RARB: variants seen among roughly 807,000 people sequenced by gnomAD.
RARB encodes the protein HBV-activated protein.
Under a neutral mutation model 51.9 loss-of-function variants are expected in RARB, and 17 were observed. The ratio of observed to expected loss-of-function variants is 0.33; its 90% CI spans 0.22 to 0.49. The LOEUF is 0.49. Among genes scored for constraint, RARB ranks in the 20% least tolerant of loss-of-function variants. The pLI, the probability that RARB is intolerant of heterozygous loss-of-function variation, is 0.99. For synonymous variants in RARB, 215 were observed against 195.4 expected (o/e 1.10, Z -0.84); for missense variants, 369 against 550.8 (o/e 0.67, Z 3.30).
chr3:25,139,955 T>G (rs73048410), intron 4 of RARB, among the ~76,000 whole-genome samples: 13,303 of 152,230 alleles, frequency 0.087, 731 homozygotes, highest in Non-Finnish European at 0.13. Flanking sequence ...CACATCTGTT[T>G]GCAGCCAGGT....
At chr3:24,920,652 C>G (rs891571358) in intron 2 of RARB, among the ~76,000 whole-genome samples, 3 of 152,156 alleles carry the variant, frequency 2.0e-5, no homozygotes, top group Admixed American at 1.3e-4. Flanking sequence ...TCCTGACTCT[C>G]AATTTTGTTT....
intron 5 of RARB, among the ~76,000 whole-genome samples, chr3:25,238,731 C>T (rs1702361416): frequency 6.6e-6 from 1 of 152,026 alleles, no homozygotes; most frequent in South Asian, 2.1e-4. Flanking sequence ...ACCTGTAATC[C>T]CAGTACTTTG....
chr3:24,947,523 T>C (rs1575085609), intron 2 of RARB, among the ~76,000 whole-genome samples: 1 of 152,356 alleles, frequency 6.6e-6, no homozygotes. Context: ...CCAACGTCTC[T>C]TCCACTTCGT....
intron 4 of RARB, among the ~76,000 whole-genome samples, chr3:25,574,422 C>T (rs1035771053): frequency 6.6e-6 from 1 of 152,208 alleles, no homozygotes; most frequent in African/African-American, 2.4e-5. Flanking sequence ...TGCAGCTCTC[C>T]TCCTCTCCAC....
At chr3:25,257,185 G>A (rs1482861997) in intron 5 of RARB, among the ~76,000 whole-genome samples, 1 of 152,056 alleles carries the variant, frequency 6.6e-6, no homozygotes, top group Admixed American at 6.6e-5. Flanking sequence ...ATGTCTGCTT[G>A]GTGACTTAAT....
intron 3 of RARB, among the ~76,000 whole-genome samples, chr3:25,530,467 T>G (rs571866817): frequency 6.6e-6 from 1 of 152,358 alleles, no homozygotes; most frequent in East Asian, 1.9e-4. Flanking sequence ...TTGGCAGCGC[T>G]GCATTCCTTT....
At chr3:25,323,842 C>T (rs1179242600) in intron 5 of RARB, among the ~76,000 whole-genome samples, 1 of 152,170 alleles carries the variant, frequency 6.6e-6, no homozygotes, top group African/African-American at 2.4e-5. Flanking sequence ...AGAAGACTTC[C>T]AGTTAAGTGT....
At chr3:25,369,853 C>G (rs2125471046) in intron 5 of RARB, among the ~76,000 whole-genome samples, 1 of 152,052 alleles carries the variant, frequency 6.6e-6, no homozygotes, top group East Asian at 1.9e-4. Flanking sequence ...ACCCGGGAGG[C>G]AGAGTTTGCA....
intron 2 of RARB, among the ~76,000 whole-genome samples, chr3:24,858,951 C>T (rs537748203): frequency 4.1e-5 from 6 of 147,198 alleles, no homozygotes; most frequent in African/African-American, 1.3e-4. Flanking sequence ...GCAGAAGAAT[C>T]GCTTGAACTG....
At chr3:25,530,337 C>T (rs1255489901) in intron 3 of RARB, among the ~76,000 whole-genome samples, 1 of 152,198 alleles carries the variant, frequency 6.6e-6, no homozygotes, top group African/African-American at 2.4e-5. Context: ...GGTTTGATAT[C>T]CTATTACTGT....
At chr3:25,223,844 C>T (rs1449458833) in intron 5 of RARB, among the ~76,000 whole-genome samples, 27 of 152,326 alleles carry the variant, frequency 1.8e-4, no homozygotes, top group Admixed American at 1.6e-3. Flanking sequence ...ATTTTAAATG[C>T]TTTTCCTATC....
intron 2 of RARB, among the ~76,000 whole-genome samples, chr3:25,498,803 G>A (rs774075676): frequency 3.9e-5 from 6 of 152,078 alleles, no homozygotes; most frequent in Non-Finnish European, 7.4e-5. Context: ...AATGTTTCTC[G>A]GCAGAAGAGC....
intron 1 of RARB, among the ~76,000 whole-genome samples, chr3:24,856,943 A>G (rs1380709597): frequency 6.6e-6 from 1 of 152,140 alleles, no homozygotes; most frequent in Non-Finnish European, 1.5e-5. Context: ...CAATTGATTT[A>G]TTTGGTAGAG....
intron 2 of RARB, among the ~76,000 whole-genome samples, chr3:24,956,840 A>G (rs1385947734): frequency 6.6e-6 from 1 of 152,198 alleles, no homozygotes; most frequent in Non-Finnish European, 1.5e-5. Context: ...CAGGAAGGTT[A>G]TTGGAAAGTT....
At chr3:25,531,818 AGG>A (rs1698938287) in intron 3 of RARB, among the ~76,000 whole-genome samples, 1 of 151,868 alleles carries the variant, frequency 6.6e-6, no homozygotes, top group Non-Finnish European at 1.5e-5. Context: ...GGAATTTGAG[AGG>A]GGCAAAGAAG....
Position 24,953,273 on chromosome 3 carries a change from G to A in RARB, c.-380+94521G>A, listed in dbSNP as rs144750514. ...TCCTTGGAAGTTTGCCAGCAGGCAC[G>A]GTGGGAGGAAGAAATGCATATTCAA... On this transcript the variant is annotated intron_variant, in intron 2 of 11. Transcript: ENST00000383772. Among the ~76,000 whole-genome samples, 23 of 152,182 alleles carry A rather than the reference G, an allele frequency of 1.5e-4. No homozygotes were observed. In the East Asian group the frequency reaches 4.1e-3, roughly 27 times the overall value.
At chr3:25,133,519 T>C (rs1395794480) in intron 4 of RARB, among the ~76,000 whole-genome samples, 1 of 152,032 alleles carries the variant, frequency 6.6e-6, no homozygotes, top group Non-Finnish European at 1.5e-5. Context: ...TGACATGGTT[T>C]ACTGCTTCCT....
intron 2 of RARB, among the ~76,000 whole-genome samples, chr3:24,899,660 T>C (rs1331533860): frequency 6.6e-6 from 1 of 152,092 alleles, no homozygotes; most frequent in African/African-American, 2.4e-5. Flanking sequence ...AATGGTTGTT[T>C]TGAGGAGAAA....
At chr3:25,115,031 T>C (rs1699663396) in intron 3 of RARB, among the ~76,000 whole-genome samples, 1 of 152,184 alleles carries the variant, frequency 6.6e-6, no homozygotes, top group Non-Finnish European at 1.5e-5. Context: ...AAAAATCATT[T>C]CTTTATTTCA....
Sources: gnomAD v4.1 joint callset for allele counts (sites outside exome capture counted in the v4.1 genomes callset) on GRCh38, gnomAD v4.1.1 for gene constraint, MANE v1.5 for transcripts, NCBI Gene and HGNC (gene_info 2026-07-23, HGNC 2026-07-21) for gene names.